The following CFAP69 variants were observed in gnomAD, a reference collection of about 807,000 sequenced individuals.
CFAP69 encodes cilia and flagella associated protein 69.
In CFAP69, 92 loss-of-function variants were observed where a neutral mutation model predicts 123.0. That is an observed-to-expected ratio of 0.75 (90% CI 0.63 to 0.89). The LOEUF (loss-of-function observed/expected upper bound fraction) is 0.89, where lower values mean the gene tolerates loss of function less well. Ranked by LOEUF, CFAP69 falls within the 40% of genes least tolerant of loss-of-function variation. The pLI, the probability that CFAP69 is intolerant of heterozygous loss-of-function variation, is 0.00. For synonymous variants in CFAP69, 380 were observed against 364.3 expected (o/e 1.04, Z -0.49); for missense variants, 1,067 against 1,096.9 (o/e 0.97, Z 0.39).
intron 1 of CFAP69, among the ~76,000 whole-genome samples, chr7:90,254,453 C>G (rs373760303): frequency 1.3e-5 from 2 of 152,156 alleles, no homozygotes; most frequent in African/African-American, 4.8e-5. Context: ...TATTATATGT[C>G]AGGCCCAGTG....
At chr7:90,246,806 G>T (rs1359053423) in intron 1 of CFAP69, among the ~76,000 whole-genome samples, 1 of 150,306 alleles carries the variant, frequency 6.7e-6, no homozygotes, top group Non-Finnish European at 1.5e-5. Context: ...TACAAGGCAA[G>T]CAAGCGTGGA....
rs201096209 is a variant in CFAP69 at position 90,310,058 on chromosome 7, G to A, written c.2656-10G>A. On this transcript the variant is annotated splice_polypyrimidine_tract_variant and intron_variant, in intron 22 of 22. Coordinates refer to ENST00000389297, the MANE Select transcript of CFAP69 (RefSeq NM_001039706.3). ...ATGGACTTTTAGATATTTACCTTTTGCCTTTTTAGGTGCCCTCTGGTGGAG... is the reference window on the plus strand; with the variant it reads ...ATGGACTTTTAGATATTTACCTTTTACCTTTTTAGGTGCCCTCTGGTGGAG... 3 of 1,600,042 alleles carry A rather than the reference G, an allele frequency of 1.9e-6. No individual in the cohort carries two copies. Among genetic ancestry groups the A allele is most frequent in the Non-Finnish European group, 2.6e-6 (3 of 1,172,832 alleles).
At chr7:90,263,952 G>A (rs543503701) in intron 4 of CFAP69, among the ~76,000 whole-genome samples, 13 of 151,338 alleles carry the variant, frequency 8.6e-5, no homozygotes, top group African/African-American at 1.7e-4. Context: ...ATAGCTGGGC[G>A]TGGTGGCAGG....
Position 90,245,523 on chromosome 7 carries a change from G to A in CFAP69, c.99G>A (p.Val33=), listed in dbSNP as rs369736473. Residue 33 remains valine (V), a synonymous_variant, in exon 1 of 23, where the codon GTG becomes GTA. Coordinates refer to ENST00000389297, the MANE Select transcript of CFAP69 (RefSeq NM_001039706.3). The part of the protein sequence containing the change: ...SSSQIPVVGV[V]TEDDEAQDVF... ...GTCAAATCCCGGTGGTTGGGGTGGT[G>A]ACGGAGGACGATGAGGCGCAGGTAT... 16 of 1,518,640 alleles carry A rather than the reference G, an allele frequency of 1.1e-5. No homozygotes were observed. The highest frequency in any genetic ancestry group is 1.4e-5 in the Non-Finnish European group (16 of 1,136,272). 94.1% of individuals were successfully genotyped at this position (1,518,640 alleles called of 1,614,324 possible).
downstream of CFAP69, chr7:90,312,930 G>T (rs1337599975): frequency 6.6e-6 from 1 of 152,190 alleles, no homozygotes; most frequent in Non-Finnish European, 1.5e-5. Flanking sequence ...TCAGTAATGA[G>T]ACTTTTACCA....
intron 6 of CFAP69, 60 bp downstream of exon 6, chr7:90,268,444 A>C (rs971055429): frequency 4.0e-6 from 5 of 1,257,830 alleles, no homozygotes; most frequent in Non-Finnish European, 5.7e-6. Flanking sequence ...GAACATTCTC[A>C]TATCTCTTTG....
intron 13 of CFAP69, among the ~76,000 whole-genome samples, chr7:90,285,016 G>A (rs1472978392): frequency 6.6e-6 from 1 of 152,170 alleles, no homozygotes; most frequent in Non-Finnish European, 1.5e-5. Flanking sequence ...ATAAAGGCAA[G>A]GAGTTGAAGG....
At chr7:90,257,027 C>T (rs915391479) in intron 2 of CFAP69, among the ~76,000 whole-genome samples, 1 of 152,110 alleles carries the variant, frequency 6.6e-6, no homozygotes, top group African/African-American at 2.4e-5. Context: ...CTTCTAACAC[C>T]ACCACTTTTT....
rs771980960 is a variant in CFAP69 at position 90,288,316 on chromosome 7, A to G, written c.1739A>G (p.Tyr580Cys). The G allele has an allele frequency of 3.1e-6, 5 of 1,611,650 alleles. No homozygotes were observed. The highest frequency in any genetic ancestry group is 4.2e-6 in the Non-Finnish European group (5 of 1,178,394). Residue 580 changes from tyrosine to cysteine, a missense_variant, in exon 15 of 23, where the codon TAT (tyrosine) becomes TGT (cysteine). Tyr to Cys is a radical substitution (Grantham distance 194). Coordinates refer to ENST00000389297, the MANE Select transcript of CFAP69 (RefSeq NM_001039706.3). Reference sequence around the variant, plus strand: ...AGGAAGTTACAGAGTGGCTTAGGCTATAATGTACTTCTTTTTAGTACATTG... The same window carrying G: ...AGGAAGTTACAGAGTGGCTTAGGCTGTAATGTACTTCTTTTTAGTACATTG... ...DPRKLQSGLG[Y>C]NVLLFSTLDS...
chr7:90,315,065 C>T (rs1794666358), downstream of CFAP69, among the ~76,000 whole-genome samples: 1 of 149,576 alleles, frequency 6.7e-6, no homozygotes, highest in African/African-American at 2.5e-5. Context: ...TACCATCTCA[C>T]ACCAGTCAGA....
intron 17 of CFAP69, 75 bp from the exon 18 acceptor site, chr7:90,303,894 A>T (rs1793176314): frequency 7.0e-7 from 1 of 1,418,904 alleles, no homozygotes; most frequent in African/African-American, 1.5e-5. Flanking sequence ...TCTAGACTAA[A>T]ATCTCAAAAT....
In CFAP69 at chr7:90,277,349, A is replaced by G. The variant is rs1189373490; in HGVS notation, c.1155+15A>G. 2 of 1,463,776 alleles carry G rather than the reference A, an allele frequency of 1.4e-6. No homozygotes were observed. The highest frequency in any genetic ancestry group is 2.9e-5 in the African/African-American group (2 of 68,588). 90.7% of individuals were successfully genotyped at this position (1,463,776 alleles called of 1,614,324 possible). A position where few individuals can be genotyped will look rare whatever the true frequency, so the allele number is the denominator to read the frequency against. ...CTACTGTACAGGTAAAGAGTAATCA[A>G]GGCAGGAAAATCAATAAAAATTGTC... On this transcript the variant is annotated intron_variant, in intron 11 of 22. Coordinates refer to ENST00000389297, the MANE Select transcript of CFAP69 (RefSeq NM_001039706.3).
At chr7:90,313,738 T>TG (rs1290834910), downstream of CFAP69, among the ~76,000 whole-genome samples, 1 of 152,084 alleles carries the variant, frequency 6.6e-6, no homozygotes, top group Admixed American at 6.5e-5. Flanking sequence ...AGAGAGAAAG[T>TG]GGGGGAAGCC....
At chr7:90,253,421 C>T (rs28949604) in intron 1 of CFAP69, among the ~76,000 whole-genome samples, 2,300 of 152,266 alleles carry the variant, frequency 0.015, 77 homozygotes, top group African/African-American at 0.053. Flanking sequence ...GACGGAGTCT[C>T]ACTCTGTCAC....
chr7:90,265,248 C>T (rs112059780), intron 4 of CFAP69, 53 bp from the exon 5 acceptor site: 2 of 1,112,842 alleles, frequency 1.8e-6, no homozygotes, highest in African/African-American at 1.5e-5. Context: ...AATGATGCTT[C>T]AATTAAAGAC....
the CFAP69 span, chr7:90,319,502 G>C: frequency 1.0e-5 from 4 of 398,326 alleles, no homozygotes; most frequent in Admixed American, 4.4e-5. Context: ...TGTCCAGGCC[G>C]CTGAGATTTT....
At chr7:90,263,344 T>C (rs1798592364) in intron 4 of CFAP69, among the ~76,000 whole-genome samples, 1 of 152,190 alleles carries the variant, frequency 6.6e-6, no homozygotes, top group Non-Finnish European at 1.5e-5. Context: ...TTTCAAGACA[T>C]TTTTGGAAGA....
Position 90,307,099 on chromosome 7 carries a change from G to C in CFAP69, c.2463+1G>C. On this transcript the variant is annotated splice_donor_variant, in intron 20 of 22. Coordinates refer to ENST00000389297, the MANE Select transcript of CFAP69 (RefSeq NM_001039706.3). LOFTEE classifies it high-confidence loss of function. ...AAATGAACAAAAAGTATATGCAAAA[G>C]TAAGCTACATAGGTAGTGAGGAGGG... The C allele has an allele frequency of 1.2e-6, 2 of 1,609,502 alleles. No individual in the cohort carries two copies. Among genetic ancestry groups the C allele is most frequent in the East Asian group, 2.2e-5 (1 of 44,750 alleles).
intron 15 of CFAP69, among the ~76,000 whole-genome samples, chr7:90,293,734 G>C (rs1205713955): frequency 6.6e-6 from 1 of 152,180 alleles, no homozygotes; most frequent in Non-Finnish European, 1.5e-5. Context: ...CAAAAAGCTT[G>C]GTAAGTTCAG....
Sources: gnomAD v4.1 joint callset for allele counts (sites outside exome capture counted in the v4.1 genomes callset) on GRCh38, gnomAD v4.1.1 for gene constraint, MANE v1.5 for transcripts, NCBI Gene and HGNC (gene_info 2026-07-23, HGNC 2026-07-21) for gene names.